The following SAMD12 variants were observed in gnomAD, a reference collection of about 807,000 sequenced individuals.
SAMD12 encodes sterile alpha motif domain containing 12.
In SAMD12, 9 loss-of-function variants were observed where a neutral mutation model predicts 15.0. The observed-to-expected ratio is 0.60, with a 90% CI of 0.36 to 1.05. The LOEUF is 1.05. Ranked by LOEUF, SAMD12 falls within the 50% of genes least tolerant of loss-of-function variation. The pLI is 0.01. For missense variants in SAMD12, 230 were observed against 234.2 expected, an observed-to-expected ratio of 0.98 and a Z score of 0.12; for synonymous variants, 86 against 90.1, an observed-to-expected ratio of 0.96 and a Z score of 0.25.
At chr8:118,579,646 T>C (rs1422295520) in intron 2 of SAMD12, among the ~76,000 whole-genome samples, 1 of 151,860 alleles carries the variant, frequency 6.6e-6, no homozygotes, top group Non-Finnish European at 1.5e-5. Context: ...AGAAGGGAGG[T>C]GGTTATTGTA....
intron 4 of SAMD12, among the ~76,000 whole-genome samples, chr8:118,219,498 T>C (rs532110956): frequency 6.6e-6 from 1 of 152,348 alleles, no homozygotes; most frequent in South Asian, 2.1e-4. Flanking sequence ...ACAAATTCTT[T>C]CATATCACCT....
intron 4 of SAMD12, among the ~76,000 whole-genome samples, chr8:118,325,622 C>A (rs2130474360): frequency 6.6e-6 from 1 of 152,214 alleles, no homozygotes; most frequent in South Asian, 2.1e-4. Context: ...TTCAAGTACG[C>A]CATGCAGTAT....
chr8:118,314,882 C>CAGGTTTTTGTATGAACAT (rs1586503304), intron 4 of SAMD12, among the ~76,000 whole-genome samples: 1 of 152,324 alleles, frequency 6.6e-6, no homozygotes, highest in East Asian at 1.9e-4. Flanking sequence ...CATTATTATA[C>CAGGTTTTTGTATGAACAT]AGGTTTTTGT....
At chr8:118,539,376 G>A (rs762259977) in intron 2 of SAMD12, among the ~76,000 whole-genome samples, 7 of 152,178 alleles carry the variant, frequency 4.6e-5, no homozygotes, top group Non-Finnish European at 7.3e-5. Flanking sequence ...CCTAGAAGAA[G>A]AGTATGGCTG....
chr8:118,493,320 T>G (rs560630156), intron 2 of SAMD12, among the ~76,000 whole-genome samples: 6 of 152,302 alleles, frequency 3.9e-5, no homozygotes, highest in African/African-American at 1.4e-4. Flanking sequence ...ACTGCCTTAT[T>G]CAGACCTCAT....
intron 2 of SAMD12, among the ~76,000 whole-genome samples, chr8:118,502,615 TC>T (rs1824816550): frequency 6.6e-6 from 1 of 152,230 alleles, no homozygotes; most frequent in South Asian, 2.1e-4. Context: ...GAGCACATTT[TC>T]ATTACATTTT....
chr8:118,187,334 T>C (rs1053232942), downstream of SAMD12, among the ~76,000 whole-genome samples: 5 of 152,200 alleles, frequency 3.3e-5, no homozygotes, highest in African/African-American at 1.2e-4. Flanking sequence ...CATACATCTA[T>C]ATGCCTTATA....
chr8:118,437,876 T>C (rs16891015), intron 3 of SAMD12, among the ~76,000 whole-genome samples: 2,764 of 152,298 alleles, frequency 0.018, 86 homozygotes, highest in African/African-American at 0.064. Flanking sequence ...CCATTATAAA[T>C]GCTTATCCTT....
At chr8:118,335,354 A>C (rs550275263) in intron 4 of SAMD12, among the ~76,000 whole-genome samples, 1 of 152,016 alleles carries the variant, frequency 6.6e-6, no homozygotes, top group Non-Finnish European at 1.5e-5. Flanking sequence ...CCACTCTCTC[A>C]CCCAATACTG....
At chr8:118,414,396 A>T (rs59741998) in intron 3 of SAMD12, among the ~76,000 whole-genome samples, 34 of 135,532 alleles carry the variant, frequency 2.5e-4, no homozygotes, top group South Asian at 4.7e-4. Flanking sequence ...ATTTTTTTTT[A>T]AAAAAGGAGA....
the SAMD12 span, among the ~76,000 whole-genome samples, chr8:118,157,362 A>C: frequency 6.6e-6 from 1 of 152,162 alleles, no homozygotes; most frequent in Non-Finnish European, 1.5e-5. Context: ...ACCCACCATG[A>C]ATATATAAAT....
intron 4 of SAMD12, among the ~76,000 whole-genome samples, chr8:118,277,080 C>T (rs1419059920): frequency 2.0e-5 from 3 of 152,116 alleles, no homozygotes; most frequent in Non-Finnish European, 2.9e-5. Context: ...GGAATCATGA[C>T]AAACAAGCAG....
At chr8:118,608,048 C>T (rs187419602) in intron 1 of SAMD12, among the ~76,000 whole-genome samples, 5 of 152,264 alleles carry the variant, frequency 3.3e-5, no homozygotes, top group African/African-American at 1.2e-4. Flanking sequence ...ATATTTACAA[C>T]CCCTTTGACC....
chr8:118,542,456 G>C (rs1175298885), intron 2 of SAMD12, among the ~76,000 whole-genome samples: 1 of 152,086 alleles, frequency 6.6e-6, no homozygotes, highest in Non-Finnish European at 1.5e-5. Context: ...TACTAAAAAT[G>C]GTATAATCTT....
intron 2 of SAMD12, among the ~76,000 whole-genome samples, chr8:118,562,309 C>T (rs753797913): frequency 1.3e-5 from 2 of 152,052 alleles, no homozygotes; most frequent in East Asian, 1.9e-4. Context: ...AGATAAGGAT[C>T]GGCTGTCACT....
the SAMD12 span, among the ~76,000 whole-genome samples, chr8:118,135,151 G>A: frequency 6.6e-6 from 1 of 152,122 alleles, no homozygotes; most frequent in African/African-American, 2.4e-5. Context: ...AAATAATGAT[G>A]AATATTATAA....
chr8:118,619,357 T>C (rs1446609959), intron 1 of SAMD12, among the ~76,000 whole-genome samples: 1 of 151,402 alleles, frequency 6.6e-6, no homozygotes. Context: ...CGGGTGCCTA[T>C]AGTCCCAGCT....
intron 2 of SAMD12, among the ~76,000 whole-genome samples, chr8:118,574,852 T>C (rs1259819842): frequency 6.6e-6 from 1 of 152,224 alleles, no homozygotes; most frequent in Admixed American, 6.5e-5. Flanking sequence ...GGTTGGCAGC[T>C]TTGTTTGGAG....
chr8:118,394,843 C>T (rs2291371), intron 3 of SAMD12: 107,342 of 152,050 alleles, frequency 0.71, 39,080 homozygotes, highest in African/African-American at 0.85. Flanking sequence ...AGAAGGAAGT[C>T]GAGCTCATAC....
Sources: gnomAD v4.1 joint callset for allele counts (sites outside exome capture counted in the v4.1 genomes callset) on GRCh38, gnomAD v4.1.1 for gene constraint, MANE v1.5 for transcripts, NCBI Gene and HGNC (gene_info 2026-07-23, HGNC 2026-07-21) for gene names.